EHHADH: variants seen among roughly 807,000 people sequenced by gnomAD.
EHHADH encodes the protein enoyl-CoA hydratase and 3-hydroxyacyl CoA dehydrogenase.
EHHADH carries 48 observed loss-of-function variants against 64.4 expected under a neutral mutation model. The observed-to-expected ratio is 0.75, with a 90% CI of 0.59 to 0.95. The LOEUF (loss-of-function observed/expected upper bound fraction) is 0.95. Among genes scored for constraint, EHHADH ranks in the 40% least tolerant of loss-of-function variants. The pLI, the probability that EHHADH is intolerant of heterozygous loss-of-function variation, is 0.00. For missense variants in EHHADH, 854 were observed against 876.6 expected (o/e 0.97, Z 0.33); for synonymous variants, 308 against 326.7 (o/e 0.94, Z 0.62).
chr3:185,235,870 C>T (rs1252164140), intron 2 of EHHADH, among the ~76,000 whole-genome samples: 4 of 152,216 alleles, frequency 2.6e-5, no homozygotes, highest in Admixed American at 2.6e-4. Context: ...TACTGTTAAT[C>T]AAGTCTATTC....
Position 185,202,532 on chromosome 3 carries a change from C to T in EHHADH, c.910+1884G>A, listed in dbSNP as rs536270415. Among the ~76,000 whole-genome samples the T allele has an allele frequency of 1.8e-4, 27 of 152,250 alleles. No individual in the cohort carries two copies. In the South Asian group the frequency reaches 5.2e-3, roughly 29 times the overall value. On this transcript the variant is annotated intron_variant, in intron 6 of 6. Coordinates refer to ENST00000231887, the MANE Select transcript of EHHADH (RefSeq NM_001966.4). ...TGGGTTGGTGCTACAGCAGGGGTCGCCAACCTCTGGCTGTGGACCGGTACC... is the reference window on the plus strand; with the variant it reads ...TGGGTTGGTGCTACAGCAGGGGTCGTCAACCTCTGGCTGTGGACCGGTACC...
At chr3:185,215,407 A>G (rs1469907785) in intron 5 of EHHADH, among the ~76,000 whole-genome samples, 2 of 152,174 alleles carry the variant, frequency 1.3e-5, no homozygotes, top group Non-Finnish European at 2.9e-5. Flanking sequence ...GCCACAGAAG[A>G]CTATATACTA....
At chr3:185,247,720 T>C (rs914071939) in intron 2 of EHHADH, among the ~76,000 whole-genome samples, 3 of 152,220 alleles carry the variant, frequency 2.0e-5, no homozygotes, top group Non-Finnish European at 4.4e-5. Flanking sequence ...ACAGTAAGGT[T>C]GAATAGGCCC....
At chr3:185,229,658 C>CA (rs1719102787) in intron 3 of EHHADH, 115 bp from the exon 4 acceptor site, 10 of 575,588 alleles carry the variant, frequency 1.7e-5, no homozygotes, top group Non-Finnish European at 2.5e-5. Context: ...CTGAATTCAG[C>CA]AAGATTTCTA....
At chr3:185,237,257 AT>A (rs1414806897) in intron 2 of EHHADH, among the ~76,000 whole-genome samples, 4 of 152,256 alleles carry the variant, frequency 2.6e-5, no homozygotes, top group South Asian at 2.1e-4. Context: ...AATTCTAACA[AT>A]TTTTTAATAG....
At chr3:185,208,182 C>T (rs1441260625) in intron 5 of EHHADH, among the ~76,000 whole-genome samples, 1 of 152,152 alleles carries the variant, frequency 6.6e-6, no homozygotes, top group African/African-American at 2.4e-5. Context: ...GTGAAGCCCA[C>T]GTGGCAAAGA....
intron 3 of EHHADH, among the ~76,000 whole-genome samples, chr3:185,232,955 T>G (rs1685464796): frequency 6.6e-6 from 1 of 152,236 alleles, no homozygotes; most frequent in South Asian, 2.1e-4. Flanking sequence ...TTGTTGTTAG[T>G]ATATTTGCCC....
intron 5 of EHHADH, among the ~76,000 whole-genome samples, chr3:185,217,217 G>C (rs1718704170): frequency 6.6e-6 from 1 of 152,120 alleles, no homozygotes; most frequent in African/African-American, 2.4e-5. Context: ...GGTGATAAGA[G>C]AGCTTTCACT....
At chr3:185,244,890 A>G (rs1302457909) in intron 2 of EHHADH, among the ~76,000 whole-genome samples, 2 of 152,208 alleles carry the variant, frequency 1.3e-5, no homozygotes, top group Non-Finnish European at 2.9e-5. Context: ...GTTTGTGGCA[A>G]TTTGTTATGG....
chr3:185,199,835 C>T (rs879453544), intron 6 of EHHADH, among the ~76,000 whole-genome samples: 2 of 152,224 alleles, frequency 1.3e-5, no homozygotes, highest in African/African-American at 4.8e-5. Context: ...AGCCTCTATG[C>T]CCTGGGCTCA....
chr3:185,206,230 A>G (rs894420940), intron 5 of EHHADH, among the ~76,000 whole-genome samples: 1 of 152,124 alleles, frequency 6.6e-6, no homozygotes, highest in African/African-American at 2.4e-5. Context: ...TCAAAAGGAG[A>G]ATCTTTCAAC....
intron 4 of EHHADH, among the ~76,000 whole-genome samples, chr3:185,220,318 G>T (rs548097503): frequency 4.3e-4 from 65 of 152,248 alleles, no homozygotes; most frequent in African/African-American, 1.1e-3. Context: ...CATATATGAT[G>T]GTGGTCCCAT....
chr3:185,229,715 A>G (rs1431967903), intron 3 of EHHADH, among the ~76,000 whole-genome samples, 172 bp from the exon 4 acceptor site: 1 of 152,236 alleles, frequency 6.6e-6, no homozygotes, highest in Admixed American at 6.5e-5. Context: ...CAGCATAAAC[A>G]GAGCTGTGCT....
At position 185,192,594 on chromosome 3, in the gene EHHADH, G is replaced by A. The variant is rs148208284; in HGVS notation, c.1804C>T (p.Arg602Trp). The A allele has an allele frequency of 2.0e-4, 319 of 1,614,180 alleles. No individual in the cohort carries two copies. In the African/African-American group the frequency reaches 3.1e-3, roughly 16 times the overall value. Residue 602 changes from arginine (R) to tryptophan (W), a missense_variant, in exon 7 of 7, where the codon CGG becomes TGG. Transcript: ENST00000231887. Reference sequence around the variant, plus strand: ...TCAATGTGATGGGTTTTTCTATACCGTGATAGGAATTTGGAAAGCCAGGGA... The same window carrying A: ...TCAATGTGATGGGTTTTTCTATACCATGATAGGAATTTGGAAAGCCAGGGA... ...PDPWLSKFLS[R>W]YRKTHHIEPR...
intron 1 of EHHADH, among the ~76,000 whole-genome samples, 167 bp from the exon 2 acceptor site, chr3:185,248,684 T>C (rs545925261): frequency 6.6e-6 from 1 of 152,364 alleles, no homozygotes; most frequent in South Asian, 2.1e-4. Flanking sequence ...CTATGACTAT[T>C]AAATTTCTTC....
At chr3:185,208,325 A>G (rs1577359073) in intron 5 of EHHADH, among the ~76,000 whole-genome samples, 1 of 152,202 alleles carries the variant, frequency 6.6e-6, no homozygotes. Context: ...CCCCTAATCA[A>G]CCTGAGATGA....
In EHHADH at chr3:185,216,214, G is replaced by C. The variant is rs535024739; in HGVS notation, c.568+1922C>G. 6.6e-6 allele frequency among the ~76,000 whole-genome samples: 1 copy of C among 152,266 alleles called. No individual in the cohort carries two copies. Among genetic ancestry groups the C allele is most frequent in the Admixed American group, 6.5e-5 (1 of 15,294 alleles). The stretch of plus-strand genomic sequence containing the variant: ...CAGACCATTTTAGAAATGTAGCTAA[G>C]GTTGAGACCTGGATCCAGGTCTCCT... On this transcript the variant is annotated intron_variant, in intron 5 of 6. Coordinates refer to ENST00000231887, the MANE Select transcript of EHHADH (RefSeq NM_001966.4). This position sits in a 1 kb window ranked among gnomAD's most constrained non-coding sequence, Gnocchi z 5.3.
intron 6 of EHHADH, among the ~76,000 whole-genome samples, chr3:185,199,391 G>A (rs1292469174): frequency 6.6e-6 from 1 of 152,168 alleles, no homozygotes; most frequent in Non-Finnish European, 1.5e-5. Context: ...CGATGGTGGT[G>A]ATTGGGGGAA....
At chr3:185,203,273 T>C (rs1008844679) in intron 6 of EHHADH, among the ~76,000 whole-genome samples, 5 of 152,042 alleles carry the variant, frequency 3.3e-5, no homozygotes, top group African/African-American at 9.7e-5. Context: ...AAAACAAATA[T>C]AGTAAAACGT....
Sources: allele counts gnomAD v4.1 joint callset (sites outside exome capture counted in the v4.1 genomes callset), GRCh38; gene constraint gnomAD v4.1.1; non-coding constraint Gnocchi (gnomAD v3.1); transcripts MANE v1.5; gene names NCBI Gene and HGNC (gene_info 2026-07-23, HGNC 2026-07-21).